Variants in CSMD1 observed in about 807,000 individuals in gnomAD.
CSMD1 encodes CUB and sushi domain-containing protein 1.
Under a neutral mutation model 417.5 loss-of-function variants are expected in CSMD1, and 213 were observed. The observed-to-expected ratio is 0.51, with a 90% CI of 0.46 to 0.57. CSMD1 has a LOEUF of 0.57. CSMD1 is among the 20% of genes least tolerant of loss of function. The pLI is 0.00. For missense variants in CSMD1, 6,923 were observed against 4,529.7 expected (o/e 1.53, Z -15.17); for synonymous variants, 2,862 against 1,736.8 (o/e 1.65, Z -16.11).
chr8:2,974,200 T>C (rs1192989183), intron 56 of CSMD1, among the ~76,000 whole-genome samples: 1 of 152,192 alleles, frequency 6.6e-6, no homozygotes, highest in Non-Finnish European at 1.5e-5. Flanking sequence ...AAGCGTCCTC[T>C]CAAATGAGAT....
At chr8:4,397,181 T>C (rs1161275611) in intron 3 of CSMD1, among the ~76,000 whole-genome samples, 1 of 152,118 alleles carries the variant, frequency 6.6e-6, no homozygotes, top group Non-Finnish European at 1.5e-5. Flanking sequence ...ATGATCAACA[T>C]GTATGTGTTT....
At chr8:3,396,495 T>C (rs528495185) in intron 16 of CSMD1, 114 bp from the exon 17 acceptor site, 48 of 697,742 alleles carry the variant, frequency 6.9e-5, no homozygotes, top group African/African-American at 1.3e-4. Flanking sequence ...ATGAAGAAAA[T>C]AGTTGAAATT....
At chr8:4,607,300 G>A (rs1800928429) in intron 2 of CSMD1, among the ~76,000 whole-genome samples, 1 of 151,422 alleles carries the variant, frequency 6.6e-6, no homozygotes, top group Non-Finnish European at 1.5e-5. Context: ...AAAAAAAAAT[G>A]CATTTGAACG....
intron 49 of CSMD1, among the ~76,000 whole-genome samples, chr8:3,084,901 T>C (rs1459047182): frequency 6.7e-6 from 1 of 150,250 alleles, no homozygotes; most frequent in Non-Finnish European, 1.5e-5. Flanking sequence ...CTACATTTTG[T>C]TTTGTTTTAA....
At chr8:4,448,388 A>ACTC (rs1441721189) in intron 2 of CSMD1, among the ~76,000 whole-genome samples, 1 of 152,116 alleles carries the variant, frequency 6.6e-6, no homozygotes, top group Non-Finnish European at 1.5e-5. Context: ...CAGTTGTCCA[A>ACTC]CTCCTACTTT....
chr8:3,747,802 G>A (rs1302968419), intron 6 of CSMD1, among the ~76,000 whole-genome samples: 1 of 152,056 alleles, frequency 6.6e-6, no homozygotes, highest in African/African-American at 2.4e-5. Flanking sequence ...AAAAGTCATT[G>A]TTTTGTTCTT....
intron 1 of CSMD1, among the ~76,000 whole-genome samples, chr8:4,840,984 G>T (rs1356969823): frequency 1.3e-5 from 2 of 152,184 alleles, no homozygotes; most frequent in Non-Finnish European, 2.9e-5. Flanking sequence ...CCGATAAGGA[G>T]CATGTCCTCT....
intron 2 of CSMD1, among the ~76,000 whole-genome samples, chr8:4,506,286 C>G (rs1802521843): frequency 6.6e-6 from 1 of 152,066 alleles, no homozygotes; most frequent in South Asian, 2.1e-4. Context: ...TTCATGGAAG[C>G]TTCGGTGATG....
intron 2 of CSMD1, among the ~76,000 whole-genome samples, chr8:4,429,713 G>A (rs1466122364): frequency 6.6e-6 from 1 of 152,048 alleles, no homozygotes; most frequent in East Asian, 1.9e-4. Context: ...GCTCCATGAG[G>A]GCAGAAGTGG....
intron 3 of CSMD1, among the ~76,000 whole-genome samples, chr8:4,385,765 G>A (rs746056898): frequency 3.9e-5 from 6 of 152,256 alleles, no homozygotes; most frequent in South Asian, 2.1e-4. Context: ...AATTCATGTC[G>A]ATTGTAATGG....
intron 5 of CSMD1, among the ~76,000 whole-genome samples, chr8:3,789,790 G>A (rs1277623275): frequency 6.8e-6 from 1 of 146,930 alleles, no homozygotes; most frequent in Non-Finnish European, 1.5e-5. Context: ...GAGTGCAGCG[G>A]TGCTATCTTG....
At chr8:3,955,514 C>T (rs751703475) in intron 5 of CSMD1, among the ~76,000 whole-genome samples, 5 of 152,264 alleles carry the variant, frequency 3.3e-5, no homozygotes, top group Non-Finnish European at 5.9e-5. Flanking sequence ...AAGCTGTCAG[C>T]CAACCTCTAA....
intron 26 of CSMD1, among the ~76,000 whole-genome samples, chr8:3,282,087 A>C (rs1802783313): frequency 6.6e-6 from 1 of 152,220 alleles, no homozygotes; most frequent in Admixed American, 6.5e-5. Flanking sequence ...GTTGTGACTC[A>C]ATTAAACCTC....
At chr8:4,543,794 T>C (rs1021212741) in intron 2 of CSMD1, among the ~76,000 whole-genome samples, 2 of 152,064 alleles carry the variant, frequency 1.3e-5, no homozygotes, top group East Asian at 3.9e-4. Flanking sequence ...CTCACCAGCA[T>C]TTGATGTCAA....
intron 25 of CSMD1, among the ~76,000 whole-genome samples, chr8:3,296,661 A>G (rs78393814): frequency 0.037 from 5,675 of 152,242 alleles, 172 homozygotes; most frequent in Admixed American, 0.091. Context: ...GTACCCAGGC[A>G]CTGGTCAGGT....
At chr8:3,802,187 T>G (rs1423435347) in intron 5 of CSMD1, among the ~76,000 whole-genome samples, 2 of 152,062 alleles carry the variant, frequency 1.3e-5, no homozygotes, top group South Asian at 2.1e-4. Context: ...AAGAAAGACA[T>G]TAAAGAAGGG....
At chr8:3,333,188 C>T (rs1348089863) in intron 23 of CSMD1, among the ~76,000 whole-genome samples, 1 of 152,166 alleles carries the variant, frequency 6.6e-6, no homozygotes, top group Admixed American at 6.5e-5. Context: ...GATGAGACCA[C>T]AGCCCAGCCA....
chr8:4,428,286 T>C (rs982105595), intron 2 of CSMD1, among the ~76,000 whole-genome samples: 1 of 152,224 alleles, frequency 6.6e-6, no homozygotes, highest in Non-Finnish European at 1.5e-5. Context: ...GGACAGCTTG[T>C]ACCAAGACAA....
intron 3 of CSMD1, among the ~76,000 whole-genome samples, chr8:4,035,535 A>T (rs1462920805): frequency 3.9e-5 from 6 of 152,166 alleles, no homozygotes; most frequent in African/African-American, 1.4e-4. Flanking sequence ...CAAGACGTCA[A>T]GGTGGAAGAG....
Sources: gnomAD v4.1 joint callset for allele counts (sites outside exome capture counted in the v4.1 genomes callset) on GRCh38, gnomAD v4.1.1 for gene constraint, MANE v1.5 for transcripts, NCBI Gene and HGNC (gene_info 2026-07-23, HGNC 2026-07-21) for gene names.